Variants in EXOC2 observed in about 807,000 individuals in gnomAD.
The protein encoded by EXOC2 is SEC5-like 1.
EXOC2 carries 70 observed loss-of-function variants against 131.8 expected under a neutral mutation model. The ratio of observed to expected loss-of-function variants is 0.53; its 90% CI spans 0.44 to 0.65. The LOEUF (loss-of-function observed/expected upper bound fraction) is 0.65, where lower values mean the gene tolerates loss of function less well. Ranked by LOEUF, EXOC2 falls within the 30% of genes least tolerant of loss-of-function variation. The pLI is 0.00. For missense variants in EXOC2, 923 were observed against 1,108.6 expected, an observed-to-expected ratio of 0.83 and a Z score of 2.38; for synonymous variants, 411 against 398.4, an observed-to-expected ratio of 1.03 and a Z score of -0.38.
At chr6:656,783 C>T (rs1763131687) in intron 1 of EXOC2, 2 of 1,600,810 alleles carry the variant, frequency 1.2e-6, no homozygotes, top group African/African-American at 2.7e-5. Context: ...CCTCGCACCA[C>T]AGCCTGGCCT....
intron 2 of EXOC2, among the ~76,000 whole-genome samples, chr6:634,208 G>A (rs1055578484): frequency 1.3e-5 from 2 of 152,004 alleles, no homozygotes; most frequent in Non-Finnish European, 2.9e-5. Context: ...TGGGACTACC[G>A]GTGAGCACCA....
intron 23 of EXOC2, among the ~76,000 whole-genome samples, chr6:510,548 A>G (rs1764783072): frequency 6.6e-6 from 1 of 152,232 alleles, no homozygotes. Context: ...CTTTATATTC[A>G]TAAGAGTTTA....
intron 22 of EXOC2, among the ~76,000 whole-genome samples, chr6:535,132 C>T (rs540900962): frequency 3.9e-5 from 6 of 152,000 alleles, no homozygotes; most frequent in Non-Finnish European, 8.8e-5. Context: ...AGATAAAGAA[C>T]AGAAATCAAT....
chr6:680,703 G>T (rs1198895681), intron 1 of EXOC2, among the ~76,000 whole-genome samples: 2 of 152,162 alleles, frequency 1.3e-5, no homozygotes, highest in East Asian at 3.9e-4. Context: ...GCTGGGGGTG[G>T]TGCTCATTTC....
intron 13 of EXOC2, among the ~76,000 whole-genome samples, chr6:565,907 T>A (rs1244886297): frequency 2.6e-5 from 4 of 152,168 alleles, no homozygotes; most frequent in African/African-American, 9.7e-5. Context: ...AACATATCAA[T>A]GTAAGTAAAA....
chr6:673,540 G>A (rs1763971744), intron 1 of EXOC2, among the ~76,000 whole-genome samples: 1 of 152,070 alleles, frequency 6.6e-6, no homozygotes. Context: ...GTGAGGAGGA[G>A]CGAAAACGTT....
At chr6:516,921 G>T (rs1765193893) in intron 23 of EXOC2, among the ~76,000 whole-genome samples, 1 of 152,200 alleles carries the variant, frequency 6.6e-6, no homozygotes, top group Admixed American at 6.5e-5. Flanking sequence ...CTCACTGACG[G>T]AGAGACCACG....
chr6:614,010 C>A (rs1760849959), intron 6 of EXOC2, among the ~76,000 whole-genome samples: 1 of 151,932 alleles, frequency 6.6e-6, no homozygotes, highest in Non-Finnish European at 1.5e-5. Context: ...ATATATCAAG[C>A]CAATGTATAT....
At chr6:643,537 A>G (rs1762446776) in intron 1 of EXOC2, among the ~76,000 whole-genome samples, 1 of 152,204 alleles carries the variant, frequency 6.6e-6, no homozygotes, top group Non-Finnish European at 1.5e-5. Flanking sequence ...AATTTGTGGA[A>G]TGCCACCAAA....
chr6:656,384 G>C, intron 1 of EXOC2: 1 of 1,614,210 alleles, frequency 6.2e-7, no homozygotes. Flanking sequence ...GGGTCATCCT[G>C]CCACTGAGGT....
At chr6:500,830 T>C (rs576725629) in intron 23 of EXOC2, among the ~76,000 whole-genome samples, 1 of 151,900 alleles carries the variant, frequency 6.6e-6, no homozygotes, top group African/African-American at 2.4e-5. Flanking sequence ...TCATCCACGC[T>C]ACTGGTTAGT....
In EXOC2 at chr6:485,217, C is replaced by A. The variant is rs914599374; in HGVS notation, c.*1454G>T. ...AGATATTTAAAATATCACAAACATTCATGATTGCAGTTTTTAAACTTAGCT... is the reference window on the plus strand; with the variant it reads ...AGATATTTAAAATATCACAAACATTAATGATTGCAGTTTTTAAACTTAGCT... On this transcript the variant is annotated 3_prime_UTR_variant, in exon 28 of 28. Coordinates refer to ENST00000230449, the MANE Select transcript of EXOC2 (RefSeq NM_018303.6). The A allele has an allele frequency of 7.9e-5, 12 of 152,184 alleles. No individual in the cohort carries two copies. The highest frequency in any genetic ancestry group is 2.7e-4 in the African/African-American group (11 of 41,456). The allele number at this position is 152,184 out of a possible 1,614,324, so 9.4% of individuals were successfully genotyped here.
At chr6:566,063 AT>A (rs1036710826) in intron 13 of EXOC2, among the ~76,000 whole-genome samples, 1 of 152,082 alleles carries the variant, frequency 6.6e-6, no homozygotes, top group Non-Finnish European at 1.5e-5. Flanking sequence ...AGCTTTTATC[AT>A]TTTTTTCTTT....
At chr6:558,065 G>GTGC (rs1329650499) in intron 17 of EXOC2, among the ~76,000 whole-genome samples, 1 of 152,156 alleles carries the variant, frequency 6.6e-6, no homozygotes, top group Non-Finnish European at 1.5e-5. Flanking sequence ...AAGCAGTTGT[G>GTGC]TGCAAAACAC....
chr6:648,508 C>A (rs1021761281), intron 1 of EXOC2, among the ~76,000 whole-genome samples: 1 of 152,224 alleles, frequency 6.6e-6, no homozygotes, highest in African/African-American at 2.4e-5. Flanking sequence ...ACAATGACAT[C>A]AAAAATGTGT....
chr6:563,802 C>CT (rs1757822464), intron 16 of EXOC2, among the ~76,000 whole-genome samples: 1 of 152,152 alleles, frequency 6.6e-6, no homozygotes, highest in Admixed American at 6.5e-5. Flanking sequence ...ATTCTTATAT[C>CT]TTTAAACATT....
chr6:692,609 A>T (rs1764985709), intron 1 of EXOC2, among the ~76,000 whole-genome samples: 1 of 152,280 alleles, frequency 6.6e-6, no homozygotes, highest in African/African-American at 2.4e-5. Flanking sequence ...ACGCCTAGGC[A>T]GACAGGTAAC....
At chr6:560,099 A>G (rs1275245322) in intron 17 of EXOC2, among the ~76,000 whole-genome samples, 4 of 152,190 alleles carry the variant, frequency 2.6e-5, no homozygotes, top group South Asian at 2.1e-4. Context: ...AGTAAACTTC[A>G]TGTATTATTA....
At chr6:578,896 A>C (rs1479296333) in intron 11 of EXOC2, among the ~76,000 whole-genome samples, 1 of 152,120 alleles carries the variant, frequency 6.6e-6, no homozygotes, top group Non-Finnish European at 1.5e-5. Flanking sequence ...TACAGTTGTC[A>C]CTTCTATCAA....
Sources: gnomAD v4.1 joint callset for allele counts (sites outside exome capture counted in the v4.1 genomes callset) on GRCh38, gnomAD v4.1.1 for gene constraint, MANE v1.5 for transcripts, NCBI Gene and HGNC (gene_info 2026-07-23, HGNC 2026-07-21) for gene names.